LY75: variants seen among roughly 807,000 people sequenced by gnomAD.
The protein encoded by LY75 is lymphocyte antigen 75, also known as C-type lectin domain family 13 member B.
In LY75, 185 loss-of-function variants were observed where a neutral mutation model predicts 231.7. The ratio of observed to expected loss-of-function variants is 0.80; its 90% CI spans 0.71 to 0.90. The LOEUF is 0.90. Among genes scored for constraint, LY75 ranks in the 40% least tolerant of loss-of-function variants. The pLI, the probability that LY75 is intolerant of heterozygous loss-of-function variation, is 0.00. For synonymous variants in LY75, 668 were observed against 689.0 expected, an observed-to-expected ratio of 0.97 and a Z score of 0.48; for missense variants, 1,947 against 2,050.2, an observed-to-expected ratio of 0.95 and a Z score of 0.97.
Position 159,879,262 on chromosome 2 carries a change from A to T in LY75, c.1512T>A (p.Asp504Glu), listed in dbSNP as rs1164625407. 1 of 1,611,846 alleles carries T rather than the reference A, an allele frequency of 6.2e-7. No individual in the cohort carries two copies. ...TTTACATAGGGATTTTACCTACCTC[A>T]TCTGGAGGACACATCTTATCAGAAC... Reference protein sequence around the residue: ...DASSDKMCPPDEGWKRHGETC... With the variant: ...DASSDKMCPPEEGWKRHGETC... Residue 504 changes from aspartate (D) to glutamate (E), a missense_variant, in exon 9 of 35, where the codon GAT becomes GAA. By Grantham distance (45) the Asp-to-Glu change is conservative (BLOSUM62 2). Transcript: ENST00000263636.
chr2:159,806,066 C>G (rs2125825373), intron 34 of LY75, among the ~76,000 whole-genome samples: 1 of 152,322 alleles, frequency 6.6e-6, no homozygotes, highest in East Asian at 1.9e-4. Context: ...TAGATCTTAG[C>G]TTCGGTGTCT....
Position 159,900,152 on chromosome 2 carries a change from C to A in LY75, c.95-1093G>T, listed in dbSNP as rs576968655. Among the ~76,000 whole-genome samples the A allele has an allele frequency of 1.3e-4, 20 of 152,296 alleles. No individual in the cohort carries two copies. In the South Asian group the frequency reaches 3.9e-3, roughly 30 times the overall value. ...TAAAGAAGAATCCTCCCTGAATGTT[C>A]CCCTGGCACTTTGCATGAGCTGGCA... On this transcript the variant is annotated intron_variant, in intron 1 of 34. Transcript: ENST00000263636.
intron 6 of LY75, among the ~76,000 whole-genome samples, chr2:159,884,420 C>G (rs900116852): frequency 6.6e-6 from 1 of 152,166 alleles, no homozygotes; most frequent in African/African-American, 2.4e-5. Flanking sequence ...AAAAACTCCT[C>G]ACACCCTTCC....
rs768535705 is a variant in LY75, at chr2:159,806,980, C to A, written c.4983G>T (p.Val1661=). Residue 1661 remains valine, a synonymous_variant, in exon 34 of 35, where the codon GTG becomes GTT. Transcript: ENST00000263636. ...GACAGGTTCCATACTTACCCAGAGG[C>A]ACTTTGCAGACAACTCTTCCAAAAC... is the stretch of plus-strand genomic sequence containing the variant. The part of the protein sequence containing the change: ...EHGFGRVVCK[V]PLGPDYTAIA... 7 of 1,612,492 alleles carry A rather than the reference C, an allele frequency of 4.3e-6. No individual in the cohort carries two copies. Among genetic ancestry groups the A allele is most frequent in the Middle Eastern group, 1.7e-4 (1 of 6,050 alleles).
Position 159,894,081 on chromosome 2 carries a change from A to G in LY75, c.470T>C (p.Ile157Thr), listed in dbSNP as rs1395565374. ...ATAAGAGTTCCCATCTCTGGTATAGATCTCTGGGTTGGAGAGGAAGTTGGG... is the reference window on the plus strand; with the variant it reads ...ATAAGAGTTCCCATCTCTGGTATAGGTCTCTGGGTTGGAGAGGAAGTTGGG... ...ESLCDQPYHE[I>T]YTRDGNSYGR... The change falls in exon 3 of 35, where the codon ATC becomes ACC. Residue 157 changes from isoleucine (I) to threonine (T), a missense_variant. Physicochemically the swap from Ile to Thr is moderately conservative, Grantham distance 89. Transcript: ENST00000263636. 1.3e-6 allele frequency: 2 copies of G among 1,597,154 alleles called. No individual in the cohort carries two copies. Among genetic ancestry groups the G allele is most frequent in the South Asian group, 1.1e-5 (1 of 88,024 alleles).
rs370175557 is a variant in LY75, at chr2:159,853,253, G to T, written c.2743+20C>A. ...CACATATTACATAATCAGCATTAAA[G>T]GATTTAGAATTAACTTTACCGATAA... On this transcript the variant is annotated intron_variant, in intron 20 of 34. Coordinates refer to ENST00000263636, the MANE Select transcript of LY75 (RefSeq NM_002349.4). 1.1e-4 allele frequency: 174 copies of T among 1,606,272 alleles called. 1 individual carries two copies. Among genetic ancestry groups the T allele is most frequent in the Non-Finnish European group, 1.4e-4 (168 of 1,174,326 alleles).
At chr2:159,878,099 T>C (rs1685326739) in intron 11 of LY75, among the ~76,000 whole-genome samples, 1 of 152,192 alleles carries the variant, frequency 6.6e-6, no homozygotes, top group South Asian at 2.1e-4. Context: ...CATTAGATGG[T>C]GGTTTGGGAG....
At chr2:159,843,410 T>C (rs2125848678) in intron 23 of LY75, among the ~76,000 whole-genome samples, 1 of 152,038 alleles carries the variant, frequency 6.6e-6, no homozygotes, top group East Asian at 1.9e-4. Context: ...AAATGCCAAT[T>C]AGCATAATTG....
At chr2:159,894,228 A>G (rs1419772943) in intron 2 of LY75, 144 bp from the exon 3 acceptor site, 2 of 1,044,954 alleles carry the variant, frequency 1.9e-6, no homozygotes, top group African/African-American at 1.6e-5. Flanking sequence ...GGGTGCTGTC[A>G]GGTCTGGATA....
intron 31 of LY75, among the ~76,000 whole-genome samples, chr2:159,812,696 AACC>A (rs1447750259): frequency 1.1e-4 from 17 of 152,286 alleles, no homozygotes; most frequent in African/African-American, 3.9e-4. Flanking sequence ...TACAAGCATG[AACC>A]ACCACATCTG....
Position 159,850,367 on chromosome 2 carries a change from T to A in LY75, c.2984A>T (p.Glu995Val). The A allele has an allele frequency of 6.2e-7, 1 of 1,613,694 alleles. No homozygotes were observed. The highest frequency in any genetic ancestry group is 8.5e-7 in the Non-Finnish European group (1 of 1,179,720). ...GTLPSVLSQI[E>V]QDFITSLLPD... is the part of the protein sequence containing the mutation. ...TTCCCAAATAATTCCAGTACCTTGT[T>A]CAATCTGGCTCAACACTGAAGGAAG... The change falls in exon 22 of 35, where the codon GAA becomes GTA. Residue 995 changes from glutamate to valine, a missense_variant. By Grantham distance (121) the Glu-to-Val change is moderately radical (BLOSUM62 -2). Coordinates refer to ENST00000263636, the MANE Select transcript of LY75 (RefSeq NM_002349.4).
intron 25 of LY75, among the ~76,000 whole-genome samples, chr2:159,835,852 C>T (rs1278484721): frequency 1.2e-4 from 18 of 152,072 alleles, no homozygotes; most frequent in Admixed American, 1.1e-3. Context: ...AGGAGAGGTA[C>T]TATTATTATC....
intron 34 of LY75, among the ~76,000 whole-genome samples, chr2:159,805,473 C>A (rs1682765110): frequency 6.6e-6 from 1 of 152,166 alleles, no homozygotes; most frequent in African/African-American, 2.4e-5. Context: ...TAGGAATTTT[C>A]TTCCAAAGAC....
chr2:159,874,223 A>AATATATTGTAAATAT (rs200220603), intron 12 of LY75, among the ~76,000 whole-genome samples: 10 of 25,952 alleles, frequency 3.9e-4, no homozygotes, highest in Admixed American at 6.6e-4. Flanking sequence ...AATATATATA[A>AATATATTGTAAATAT]ATATATTGTA....
In LY75 at chr2:159,871,766, C is replaced by G. The variant is rs1472033330; in HGVS notation, c.2117+685G>C. 3 of 152,154 alleles carry G rather than the reference C, an allele frequency of 2.0e-5. 1 individual carries two copies. In the Middle Eastern group the frequency reaches 0.01, roughly 514 times the overall value. The allele number at this position is 152,154 out of a possible 1,614,324, so 9.4% of individuals were successfully genotyped here. A position where few individuals can be genotyped will look rare whatever the true frequency, so the allele number is the denominator to read the frequency against. ...GGCAGATCACCTGAGGTCAGAAGTTCGAGACCAGCCTGGCCAACCCCTTCC... is the reference window on the plus strand; with the variant it reads ...GGCAGATCACCTGAGGTCAGAAGTTGGAGACCAGCCTGGCCAACCCCTTCC... On this transcript the variant is annotated intron_variant, in intron 13 of 34. Transcript: ENST00000263636.
intron 31 of LY75, 55 bp downstream of exon 31, chr2:159,815,350 G>A: frequency 6.5e-7 from 1 of 1,529,580 alleles, no homozygotes; most frequent in Non-Finnish European, 8.8e-7. Context: ...TTAATTATGT[G>A]CATAAATTAT....
intron 32 of LY75, among the ~76,000 whole-genome samples, chr2:159,809,564 T>A (rs956060414): frequency 1.3e-5 from 2 of 152,232 alleles, no homozygotes; most frequent in African/African-American, 2.4e-5. Context: ...TCTAAGCATA[T>A]CTAGCTATAG....
chr2:159,806,274 C>T (rs1412950124), intron 34 of LY75, among the ~76,000 whole-genome samples: 3 of 152,100 alleles, frequency 2.0e-5, no homozygotes, highest in East Asian at 3.8e-4. Flanking sequence ...TCCCAGTGTG[C>T]AAAACAGGGC....
intron 11 of LY75, among the ~76,000 whole-genome samples, chr2:159,877,009 C>CAAAAAAAAAAAAAAAA (rs58831835): frequency 5.5e-5 from 5 of 90,538 alleles, no homozygotes; most frequent in Non-Finnish European, 8.1e-5. Context: ...AACTCCATCT[C>CAAAAAAAAAAAAAAAA]AAAAAAAAAA....
Sources: allele counts gnomAD v4.1 joint callset (sites outside exome capture counted in the v4.1 genomes callset), GRCh38; gene constraint gnomAD v4.1.1; transcripts MANE v1.5; gene names NCBI Gene and HGNC (gene_info 2026-07-23, HGNC 2026-07-21).